The following EXOG variants were observed in gnomAD, a reference collection of about 807,000 sequenced individuals.
EXOG encodes the protein exo/endonuclease G.
In EXOG, 27 loss-of-function variants were observed where a neutral mutation model predicts 25.8. The ratio of observed to expected loss-of-function variants is 1.05; its 90% CI spans 0.77 to 1.45. The LOEUF (loss-of-function observed/expected upper bound fraction) is 1.45. Ranked by LOEUF, EXOG falls within the 40% of genes most tolerant of loss-of-function variation. The pLI is 0.00. For synonymous variants in EXOG, 133 were observed against 167.0 expected, an observed-to-expected ratio of 0.80 and a Z score of 1.57; for missense variants, 458 against 450.5, an observed-to-expected ratio of 1.02 and a Z score of -0.15.
chr3:38,521,168 G>T (rs1038285935), intron 5 of EXOG, among the ~76,000 whole-genome samples: 4 of 152,220 alleles, frequency 2.6e-5, no homozygotes, highest in Non-Finnish European at 5.9e-5. Flanking sequence ...TCAGAAAAGA[G>T]ATTAGTGAGT....
intron 4 of EXOG, among the ~76,000 whole-genome samples, chr3:38,506,484 C>T (rs1037327839): frequency 1.3e-5 from 2 of 152,106 alleles, no homozygotes; most frequent in African/African-American, 4.8e-5. Context: ...CCCAATTGTC[C>T]TGCAAGAGGA....
intron 5 of EXOG, among the ~76,000 whole-genome samples, chr3:38,514,238 T>A (rs1351243573): frequency 6.6e-6 from 1 of 152,192 alleles, no homozygotes; most frequent in Non-Finnish European, 1.5e-5. Context: ...TGGCTTCTTG[T>A]GAAGAACAGA....
chr3:38,502,988 C>G (rs1447691623), intron 3 of EXOG, among the ~76,000 whole-genome samples: 3 of 152,166 alleles, frequency 2.0e-5, no homozygotes, highest in Non-Finnish European at 4.4e-5. Context: ...ACTGGAAACT[C>G]TCAGGGATGA....
chr3:38,515,365 A>G (rs1362869805), intron 5 of EXOG: 1 of 153,554 alleles, frequency 6.5e-6, no homozygotes, highest in Non-Finnish European at 1.5e-5. Flanking sequence ...CAAAGCTGGT[A>G]ACACCAGGTG....
intron 5 of EXOG, among the ~76,000 whole-genome samples, chr3:38,522,497 TTTTTGTTTTG>T (rs927534846): frequency 2.0e-5 from 3 of 152,182 alleles, no homozygotes; most frequent in Middle Eastern, 3.2e-3. Context: ...CAAAAAAGCC[TTTTTGTTTTG>T]TTTTGTTTTG....
intron 4 of EXOG, among the ~76,000 whole-genome samples, chr3:38,506,459 A>G (rs939945930): frequency 1.3e-5 from 2 of 152,224 alleles, no homozygotes; most frequent in Admixed American, 1.3e-4. Flanking sequence ...ATTATATAAG[A>G]AATGTTAACA....
intron 5 of EXOG, among the ~76,000 whole-genome samples, chr3:38,511,822 T>C (rs781060973): frequency 5.3e-5 from 8 of 152,222 alleles, no homozygotes; most frequent in Non-Finnish European, 1.2e-4. Flanking sequence ...ATTTGGATAG[T>C]AGTAGTGTTT....
chr3:38,497,575 T>A, intron 1 of EXOG, 54 bp from the exon 2 acceptor site: 4 of 1,539,004 alleles, frequency 2.6e-6, no homozygotes, highest in Non-Finnish European at 2.6e-6. Flanking sequence ...ACTAATTGTG[T>A]GTGTGTGTTT....
chr3:38,525,552 C>G lies in EXOG; in HGVS notation c.*1190C>G. Reference sequence around the variant, plus strand: ...TGGGGTTTATTAGAGCCCATGCTTGCCTCCAGAGATACAGTTCTTTTAGTG... The same window carrying G: ...TGGGGTTTATTAGAGCCCATGCTTGGCTCCAGAGATACAGTTCTTTTAGTG... On this transcript the variant is annotated 3_prime_UTR_variant, in exon 6 of 6. Coordinates refer to ENST00000287675, the MANE Select transcript of EXOG (RefSeq NM_005107.4). 3 of 985,126 alleles carry G rather than the reference C, an allele frequency of 3.0e-6. No homozygotes were observed. Among genetic ancestry groups the G allele is most frequent in the Non-Finnish European group, 3.6e-6 (3 of 829,694 alleles). The allele number at this position is 985,126 out of a possible 1,614,324, so 61.0% of individuals were successfully genotyped here.
At chr3:38,503,372 A>T (rs2060104283) in intron 3 of EXOG, among the ~76,000 whole-genome samples, 1 of 152,224 alleles carries the variant, frequency 6.6e-6, no homozygotes, top group South Asian at 2.1e-4. Context: ...TTCACGTTAT[A>T]GGTTTGGATT....
chr3:38,500,389 A>G (rs1457556622), intron 2 of EXOG, among the ~76,000 whole-genome samples: 2 of 152,214 alleles, frequency 1.3e-5, no homozygotes, highest in African/African-American at 4.8e-5. Flanking sequence ...GCACCAGCCA[A>G]AGATAACTAG....
intron 4 of EXOG, among the ~76,000 whole-genome samples, chr3:38,504,474 C>T (rs1187426253): frequency 5.9e-5 from 9 of 152,010 alleles, no homozygotes; most frequent in Non-Finnish European, 7.4e-5. Flanking sequence ...CTCACACTGT[C>T]GCCCGGGCTG....
At chr3:38,499,231 A>G (rs2059978402) in intron 2 of EXOG, among the ~76,000 whole-genome samples, 1 of 152,154 alleles carries the variant, frequency 6.6e-6, no homozygotes, top group South Asian at 2.1e-4. Flanking sequence ...TGTGTTCCAC[A>G]TATTCTCCTT....
In EXOG at chr3:38,524,824, G is replaced by T. The variant is rs966944157; in HGVS notation, c.*462G>T. 1.2e-4 allele frequency: 114 copies of T among 987,860 alleles called. No individual in the cohort carries two copies. The highest frequency in any genetic ancestry group is 1.3e-4 in the Non-Finnish European group (112 of 831,832). The allele number at this position is 987,860 out of a possible 1,614,324, so 61.2% of individuals were successfully genotyped here. The stretch of plus-strand genomic sequence containing the variant: ...ACTGCCCACAGATGACACTGCATTT[G>T]TATCCCTGTGGATGTAGAGTATTGG... On this transcript the variant is annotated 3_prime_UTR_variant, in exon 6 of 6. Transcript: ENST00000287675.
chr3:38,522,525 A>G (rs2060749481), intron 5 of EXOG, among the ~76,000 whole-genome samples: 1 of 152,150 alleles, frequency 6.6e-6, no homozygotes, highest in Non-Finnish European at 1.5e-5. Flanking sequence ...TTGTTTTGAG[A>G]TGGAGTTTCG....
At chr3:38,497,922 A>C (rs981375693) in intron 2 of EXOG, 144 bp downstream of exon 2, 33 of 1,072,062 alleles carry the variant, frequency 3.1e-5, no homozygotes, top group Non-Finnish European at 4.1e-5. Context: ...TTACTGGTTA[A>C]ATCAACCCTG....
Position 38,525,391 on chromosome 3 carries a change from A to G in EXOG, c.*1029A>G, listed in dbSNP as rs1056639556. ...CCATGGGTATTTGTGGGCCTGAGGC[A>G]TGCTTGGCAAGAAGAGTCTGGTTTC... On this transcript the variant is annotated 3_prime_UTR_variant, in exon 6 of 6. Transcript: ENST00000287675. 1 of 985,410 alleles carries G rather than the reference A, an allele frequency of 1.0e-6. No individual in the cohort carries two copies. The highest frequency in any genetic ancestry group is 4.7e-5 in the South Asian group (1 of 21,284). The allele number at this position is 985,410 out of a possible 1,614,324, so 61.0% of individuals were successfully genotyped here.
Position 38,517,424 on chromosome 3 carries a change from A to G in EXOG, c.646-6477A>G, listed in dbSNP as rs576210313. Among the ~76,000 whole-genome samples the G allele has an allele frequency of 4.6e-5, 7 of 152,342 alleles. No individual in the cohort carries two copies. The South Asian group carries it at 1.0e-3, about 23-fold the overall frequency. ...ATTTCCTACTTTCTGGTATAAGGCT[A>G]TGTTCCATGTTCATCTTGGCCATCG... On this transcript the variant is annotated intron_variant, in intron 5 of 5. Coordinates refer to ENST00000287675, the MANE Select transcript of EXOG (RefSeq NM_005107.4).
At chr3:38,512,681 G>A (rs2060408036) in intron 5 of EXOG, among the ~76,000 whole-genome samples, 1 of 152,084 alleles carries the variant, frequency 6.6e-6, no homozygotes, top group African/African-American at 2.4e-5. Context: ...ATTTATGTTT[G>A]CTAACGATAA....
Sources: gnomAD v4.1 joint callset for allele counts (sites outside exome capture counted in the v4.1 genomes callset) on GRCh38, gnomAD v4.1.1 for gene constraint, MANE v1.5 for transcripts, NCBI Gene and HGNC (gene_info 2026-07-23, HGNC 2026-07-21) for gene names.